The following HS6ST2 variants were observed in gnomAD, a reference collection of about 807,000 sequenced individuals.
The protein encoded by HS6ST2 is heparan sulfate 6-O-sulfotransferase 2.
Under a neutral mutation model 33.0 loss-of-function variants are expected in HS6ST2, and 17 were observed. That is an observed-to-expected ratio of 0.52 (90% confidence interval 0.35 to 0.77). HS6ST2 has a LOEUF of 0.77. Among genes scored for constraint, HS6ST2 ranks in the 30% least tolerant of loss-of-function variants. HS6ST2 has a pLI of 0.01. For missense variants in HS6ST2, 519 were observed against 551.7 expected, an observed-to-expected ratio of 0.94 and a Z score of 0.59; for synonymous variants, 248 against 237.1, an observed-to-expected ratio of 1.05 and a Z score of -0.42.
At chrX:132,652,727 G>A (rs2063703401) in intron 4 of HS6ST2, among the ~76,000 whole-genome samples, 1 of 110,080 alleles carries the variant, frequency 9.1e-6, no homozygotes, top group South Asian at 3.9e-4. Flanking sequence ...AGGGCATTTT[G>A]GTAATATCTA....
intron 2 of HS6ST2, among the ~76,000 whole-genome samples, chrX:132,927,272 G>A (rs1195085895): frequency 1.8e-5 from 2 of 111,129 alleles, no homozygotes; most frequent in Non-Finnish European, 3.8e-5. Flanking sequence ...CCACAACCCT[G>A]TCTCCCTGGG....
intron 2 of HS6ST2, among the ~76,000 whole-genome samples, chrX:132,929,626 T>A (rs2066744671): frequency 9.0e-6 from 1 of 111,582 alleles, no homozygotes; most frequent in South Asian, 3.8e-4. Context: ...TAGGGGGACA[T>A]TACATAATGA....
chrX:132,957,890 A>G (rs1239279070), intron 1 of HS6ST2, among the ~76,000 whole-genome samples: 1 of 111,512 alleles, frequency 9.0e-6, no homozygotes, highest in South Asian at 3.8e-4. Context: ...GGCGGCCTCG[A>G]GGGAGCTCGG....
At chrX:132,837,017 A>G (rs1047277392) in intron 2 of HS6ST2, among the ~76,000 whole-genome samples, 4 of 112,238 alleles carry the variant, frequency 3.6e-5, no homozygotes, top group Admixed American at 1.9e-4. Context: ...GGAGTCATTT[A>G]GGATTCATCA....
chrX:132,959,259 G>A (rs1428140445), upstream of HS6ST2, among the ~76,000 whole-genome samples: 1 of 112,071 alleles, frequency 8.9e-6, no homozygotes, highest in African/African-American at 3.2e-5. Flanking sequence ...GTGTCCGAAA[G>A]GCTCTTTTCT....
chrX:132,737,210 AACCTGG>A (rs1255235661), intron 2 of HS6ST2, among the ~76,000 whole-genome samples: 1 of 111,359 alleles, frequency 9.0e-6, no homozygotes, highest in African/African-American at 3.3e-5. Flanking sequence ...GGGCTTTGGG[AACCTGG>A]ACAAACTGAA....
At chrX:132,937,333 A>C (rs975610438) in intron 2 of HS6ST2, among the ~76,000 whole-genome samples, 6 of 112,125 alleles carry the variant, frequency 5.4e-5, no homozygotes, top group Non-Finnish European at 1.1e-4. Context: ...TCATAGAAAT[A>C]GAAAAAACAA....
At chrX:132,793,421 G>T (rs1481583327) in intron 2 of HS6ST2, among the ~76,000 whole-genome samples, 1 of 110,976 alleles carries the variant, frequency 9.0e-6, no homozygotes, top group Non-Finnish European at 1.9e-5. Context: ...GACCAGAATG[G>T]AATATGTCCC....
At chrX:132,660,943 G>A (rs1457444745) in intron 4 of HS6ST2, among the ~76,000 whole-genome samples, 1 of 111,803 alleles carries the variant, frequency 8.9e-6, no homozygotes, top group African/African-American at 3.3e-5. Context: ...GGGAAGCAAG[G>A]CACCTTATTC....
chrX:132,884,168 C>G (rs930947708), intron 2 of HS6ST2, among the ~76,000 whole-genome samples: 1 of 111,116 alleles, frequency 9.0e-6, no homozygotes, highest in Non-Finnish European at 1.9e-5. Flanking sequence ...ATTGAAATAG[C>G]ATCAATAAAA....
intron 2 of HS6ST2, among the ~76,000 whole-genome samples, chrX:132,946,739 A>G (rs1422140180): frequency 8.9e-6 from 1 of 112,119 alleles, no homozygotes; most frequent in African/African-American, 3.2e-5. Flanking sequence ...CACGTTGTGC[A>G]CATGTACCCT....
Position 132,748,741 on chromosome X carries a change from C to T in HS6ST2, c.948-40247G>A, listed in dbSNP as rs191999679. Among the ~76,000 whole-genome samples, 365 of 111,359 alleles carry T rather than the reference C, an allele frequency of 3.3e-3. 2 individuals carry two copies. Among genetic ancestry groups the T allele is most frequent in the African/African-American group, 0.011 (341 of 30,630 alleles). On this transcript the variant is annotated intron_variant, in intron 2 of 4. Coordinates refer to ENST00000370833, the MANE Select transcript of HS6ST2 (RefSeq NM_001394073.1). ...CCTCAGCTGCCCAAGAATCTAGGAC[C>T]ACAGGTGTGTGCCACCACATGCAGA... is the stretch of plus-strand genomic sequence containing the variant.
chrX:132,951,749 C>CATA (rs751477888), intron 2 of HS6ST2, among the ~76,000 whole-genome samples: 1 of 112,004 alleles, frequency 8.9e-6, no homozygotes, highest in South Asian at 3.7e-4. Flanking sequence ...ATGCCAGAGA[C>CATA]ATAATAGTTA....
chrX:132,862,096 T>C (rs1569497902), intron 2 of HS6ST2, among the ~76,000 whole-genome samples: 2 of 112,126 alleles, frequency 1.8e-5, no homozygotes, highest in African/African-American at 3.2e-5. Context: ...ATAACCAGTT[T>C]TTCCCAAGTC....
At chrX:132,792,268 G>A (rs753802340) in intron 2 of HS6ST2, among the ~76,000 whole-genome samples, 16 of 111,748 alleles carry the variant, frequency 1.4e-4, no homozygotes, top group Non-Finnish European at 2.3e-4. Context: ...CCTCTCCTCC[G>A]CCATGGCATC....
At chrX:132,782,451 G>A (rs778318726) in intron 2 of HS6ST2, among the ~76,000 whole-genome samples, 1 of 111,798 alleles carries the variant, frequency 8.9e-6, no homozygotes, top group East Asian at 2.8e-4. Context: ...GAGAGAGATC[G>A]TCTTTAAGAA....
At chrX:132,731,584 A>G (rs1392038691) in intron 2 of HS6ST2, among the ~76,000 whole-genome samples, 1 of 111,670 alleles carries the variant, frequency 9.0e-6, no homozygotes, top group African/African-American at 3.3e-5. Context: ...GCAGTGGCTC[A>G]CGCCTATAAT....
intron 4 of HS6ST2, among the ~76,000 whole-genome samples, chrX:132,648,799 TG>T (rs1461555382): frequency 9.0e-6 from 1 of 111,631 alleles, no homozygotes; most frequent in Non-Finnish European, 1.9e-5. Context: ...GATTCTTGGT[TG>T]GGTCAATGGA....
At chrX:132,885,492 T>C (rs766767224) in intron 2 of HS6ST2, among the ~76,000 whole-genome samples, 1 of 111,646 alleles carries the variant, frequency 9.0e-6, no homozygotes, top group Non-Finnish European at 1.9e-5. Context: ...CCTGCTGAGA[T>C]TGAAGAAGCT....
Sources: gnomAD v4.1 joint callset for allele counts (sites outside exome capture counted in the v4.1 genomes callset) on GRCh38, gnomAD v4.1.1 for gene constraint, MANE v1.5 for transcripts, NCBI Gene and HGNC (gene_info 2026-07-23, HGNC 2026-07-21) for gene names.